The following SLC25A48 variants were observed in gnomAD, a reference collection of about 807,000 sequenced individuals.
SLC25A48 encodes CTC-321K16.1.
In SLC25A48, 29 loss-of-function variants were observed where a neutral mutation model predicts 32.2. The ratio of observed to expected loss-of-function variants is 0.90; its 90% CI spans 0.67 to 1.23. SLC25A48 has a LOEUF of 1.23. Ranked by LOEUF, SLC25A48 falls within the 50% of genes most tolerant of loss-of-function variation. The pLI is 0.00. For synonymous variants in SLC25A48, 164 were observed against 172.3 expected (o/e 0.95, Z 0.38); for missense variants, 399 against 422.7 (o/e 0.94, Z 0.49).
At chr5:135,699,508 A>G (rs1371862456) in intron 3 of SLC25A48, among the ~76,000 whole-genome samples, 1 of 152,192 alleles carries the variant, frequency 6.6e-6, no homozygotes, top group Non-Finnish European at 1.5e-5. Flanking sequence ...CGATGATGGA[A>G]AAGTTGCCTC....
intron 4 of SLC25A48, among the ~76,000 whole-genome samples, chr5:135,865,214 A>G (rs1401084292): frequency 1.3e-5 from 2 of 152,228 alleles, no homozygotes; most frequent in Non-Finnish European, 1.5e-5. Context: ...CTGAATAGGA[A>G]TGCAAATCCA....
At chr5:135,692,731 A>C (rs1219717601) in intron 3 of SLC25A48, among the ~76,000 whole-genome samples, 2 of 152,162 alleles carry the variant, frequency 1.3e-5, no homozygotes, top group Admixed American at 1.3e-4. Context: ...CTCACTCCAA[A>C]TTTACATGCA....
chr5:135,750,271 C>T (rs35896735), intron 3 of SLC25A48, among the ~76,000 whole-genome samples: 2 of 151,964 alleles, frequency 1.3e-5, no homozygotes, highest in African/African-American at 2.4e-5. Context: ...AACAAGTCAC[C>T]CCAATATGTA....
chr5:135,845,401 C>A (rs1409329092), intron 2 of SLC25A48, among the ~76,000 whole-genome samples: 3 of 152,232 alleles, frequency 2.0e-5, no homozygotes, highest in African/African-American at 4.8e-5. Context: ...TGCCCTGAAG[C>A]TCTGGAGGGA....
chr5:135,885,738 C>T (rs567541265), intron 7 of SLC25A48, among the ~76,000 whole-genome samples: 1 of 152,110 alleles, frequency 6.6e-6, no homozygotes, highest in Non-Finnish European at 1.5e-5. Flanking sequence ...GCAAGCATGA[C>T]CATGTTAATT....
intron 3 of SLC25A48, among the ~76,000 whole-genome samples, chr5:135,773,457 C>CT (rs1166981389): frequency 5.3e-5 from 8 of 150,868 alleles, no homozygotes; most frequent in East Asian, 3.9e-4. Context: ...GTACACCCTC[C>CT]TGTGATATTG....
Position 135,607,031 on chromosome 5 carries a change from C to T in SLC25A48, c.-848-22206C>T, listed in dbSNP as rs369540169. On this transcript the variant is annotated intron_variant, in intron 1 of 10. Transcript: ENST00000646290. ...TCATCTGACCCTCAAGAACTCTTACCCAGGGGACTTGGCCTAGACCTCAGG... is the reference window on the plus strand; with the variant it reads ...TCATCTGACCCTCAAGAACTCTTACTCAGGGGACTTGGCCTAGACCTCAGG... 7.9e-5 allele frequency among the ~76,000 whole-genome samples: 12 copies of T among 152,276 alleles called. No individual in the cohort carries two copies. In the South Asian group the frequency reaches 1.5e-3, roughly 18 times the overall value.
intron 3 of SLC25A48, among the ~76,000 whole-genome samples, chr5:135,744,091 C>T (rs1755575094): frequency 6.6e-6 from 1 of 152,186 alleles, no homozygotes. Context: ...TTCTGTATAG[C>T]ATAGATATAC....
chr5:135,716,582 A>G (rs529231919), intron 3 of SLC25A48, among the ~76,000 whole-genome samples: 4 of 152,264 alleles, frequency 2.6e-5, no homozygotes, highest in Non-Finnish European at 4.4e-5. Context: ...CCCTTAGTAG[A>G]TGTCTGGCCT....
rs1418574153 is a variant in SLC25A48 at position 135,888,079 on chromosome 5, A to G, written c.*55A>G. 1 of 1,551,630 alleles carries G rather than the reference A, an allele frequency of 6.4e-7. No individual in the cohort carries two copies. The highest frequency in any genetic ancestry group is 8.7e-7 in the Non-Finnish European group (1 of 1,146,856). ...AGTGTTCCCTGGGCCTCATCTCTGC[A>G]TGTGAAGCCCTGAGAGCTGCAGATG... is the stretch of plus-strand genomic sequence containing the variant. On this transcript the variant is annotated 3_prime_UTR_variant, in exon 8 of 8. Transcript: ENST00000681962.
chr5:135,821,431 A>C (rs531850107), intron 4 of SLC25A48, among the ~76,000 whole-genome samples: 2 of 152,274 alleles, frequency 1.3e-5, no homozygotes, highest in Admixed American at 1.3e-4. Context: ...CCCAGAGAGC[A>C]GCGGCCCATG....
intron 3 of SLC25A48, among the ~76,000 whole-genome samples, chr5:135,752,938 A>G (rs1454155765): frequency 2.0e-5 from 3 of 152,000 alleles, no homozygotes; most frequent in African/African-American, 4.8e-5. Context: ...ATTAGGAGTA[A>G]TTTCTCGAGG....
intron 3 of SLC25A48, among the ~76,000 whole-genome samples, chr5:135,800,206 C>T (rs1757287138): frequency 6.6e-6 from 1 of 151,674 alleles, no homozygotes; most frequent in Admixed American, 6.6e-5. Flanking sequence ...CTATCAATAT[C>T]ACTGGGAGAG....
At chr5:135,845,600 G>A (rs1759340738) in intron 2 of SLC25A48, among the ~76,000 whole-genome samples, 1 of 152,184 alleles carries the variant, frequency 6.6e-6, no homozygotes, top group South Asian at 2.1e-4. Flanking sequence ...AGTGACCTGG[G>A]CACAGCACTT....
intron 1 of SLC25A48, among the ~76,000 whole-genome samples, chr5:135,619,520 G>A (rs1297892233): frequency 6.6e-6 from 1 of 152,076 alleles, no homozygotes; most frequent in East Asian, 1.9e-4. Flanking sequence ...GGAGAGTTGT[G>A]GTGGTTCTTT....
chr5:135,825,345 T>A (rs186518466), intron 4 of SLC25A48, among the ~76,000 whole-genome samples: 2 of 152,240 alleles, frequency 1.3e-5, no homozygotes, highest in African/African-American at 2.4e-5. Context: ...AACCTGGGAT[T>A]TGACCCGAAG....
In SLC25A48 at chr5:135,850,509, T is replaced by C. The variant is rs1306978910; in HGVS notation, c.162+13T>C. The C allele has an allele frequency of 6.2e-7, 1 of 1,613,706 alleles. No individual in the cohort carries two copies. Among genetic ancestry groups the C allele is most frequent in the South Asian group, 1.1e-5 (1 of 91,078 alleles). ...CAGGAGGGAGAGTGTAAGTGCCCCT[T>C]GGGCGGGTGGAGTGATGCCTGCCTG... On this transcript the variant is annotated intron_variant, in intron 3 of 7. Coordinates refer to ENST00000681962, the MANE Select transcript of SLC25A48 (RefSeq NM_001349336.2).
intron 1 of SLC25A48, among the ~76,000 whole-genome samples, chr5:135,620,803 G>C (rs1752308918): frequency 6.6e-6 from 1 of 152,108 alleles, no homozygotes; most frequent in South Asian, 2.1e-4. Context: ...GCAGTCTCCA[G>C]GGTGCTCCAA....
At chr5:135,797,786 G>T (rs12521337) in intron 3 of SLC25A48, among the ~76,000 whole-genome samples, 3,458 of 151,754 alleles carry the variant, frequency 0.023, 56 homozygotes, top group Non-Finnish European at 0.031. Context: ...AATATCTCAG[G>T]GGATGTACAC....
Sources: allele counts gnomAD v4.1 joint callset (sites outside exome capture counted in the v4.1 genomes callset), GRCh38; gene constraint gnomAD v4.1.1; transcripts MANE v1.5; gene names NCBI Gene and HGNC (gene_info 2026-07-23, HGNC 2026-07-21).